Variants in ATP6V1C1 observed in about 807,000 individuals in gnomAD.
ATP6V1C1 encodes V-type proton ATPase subunit C 1.
A neutral mutation model predicts 53.9 loss-of-function variants in ATP6V1C1; 45 were observed. The observed-to-expected ratio is 0.83, with a 90% confidence interval of 0.66 to 1.07. The LOEUF (loss-of-function observed/expected upper bound fraction) is 1.07, where lower values mean the gene tolerates loss of function less well. Among genes scored for constraint, ATP6V1C1 ranks in the 50% least tolerant of loss-of-function variants. ATP6V1C1 has a pLI of 0.00. For missense variants in ATP6V1C1, 315 were observed against 440.3 expected (o/e 0.72, Z 2.55); for synonymous variants, 153 against 155.2 (o/e 0.99, Z 0.11).
At position 103,068,881 on chromosome 8, in the gene ATP6V1C1, A is replaced by G; in HGVS notation, c.*134A>G. The stretch of plus-strand genomic sequence containing the variant: ...CGCCCTTTCCTAGGTGAATTCTCCC[A>G]CAGTGGTCTGTATCTCAACATTTTC... On this transcript the variant is annotated 3_prime_UTR_variant, in exon 13 of 13. Coordinates refer to ENST00000518738, the MANE Select transcript of ATP6V1C1 (RefSeq NM_001695.5). The G allele has an allele frequency of 3.8e-6, 2 of 525,178 alleles. No homozygotes were observed. The highest frequency in any genetic ancestry group is 3.9e-5 in the African/African-American group (2 of 50,922). The allele number at this position is 525,178 out of a possible 1,614,324, so 32.5% of individuals were successfully genotyped here.
chr8:103,051,566 C>T (rs1307397517), intron 5 of ATP6V1C1, among the ~76,000 whole-genome samples: 2 of 152,044 alleles, frequency 1.3e-5, no homozygotes, highest in Non-Finnish European at 2.9e-5. Flanking sequence ...CTGACCCCTT[C>T]GGACTATTTA....
chr8:103,047,464 A>ACACACACATT (rs137856477), intron 3 of ATP6V1C1, among the ~76,000 whole-genome samples: 2 of 125,604 alleles, frequency 1.6e-5, no homozygotes, highest in African/African-American at 5.8e-5. Context: ...ACACACACAC[A>ACACACACATT]TTTTTTTTTT....
chr8:103,041,367 G>A (rs563732354), intron 2 of ATP6V1C1, among the ~76,000 whole-genome samples: 55 of 152,186 alleles, frequency 3.6e-4, no homozygotes, highest in Middle Eastern at 3.4e-3. Context: ...ATCACACTTG[G>A]CAAATCTAAC....
chr8:103,032,903 A>T (rs1299071554), intron 1 of ATP6V1C1, among the ~76,000 whole-genome samples: 4 of 152,146 alleles, frequency 2.6e-5, no homozygotes, highest in Non-Finnish European at 5.9e-5. Context: ...TAGAATCTCT[A>T]TTCTTAGTGG....
At chr8:103,028,110 G>A (rs1392791925) in intron 1 of ATP6V1C1, among the ~76,000 whole-genome samples, 1 of 152,218 alleles carries the variant, frequency 6.6e-6, no homozygotes, top group Non-Finnish European at 1.5e-5. Flanking sequence ...AAGTAGACAT[G>A]TGGGAGAAGT....
chr8:103,042,421 A>G lies in ATP6V1C1; in HGVS notation c.200+14A>G, dbSNP rs369016872. 11 of 1,613,052 alleles carry G rather than the reference A, an allele frequency of 6.8e-6. No homozygotes were observed. In the African/African-American group the frequency reaches 1.1e-4, roughly 16 times the overall value. ...ATTTGTAGAAGGGTAATGTACTTAT[A>G]TGCATGGAGTAGAGCAAAATGGGAG... On this transcript the variant is annotated intron_variant, in intron 3 of 12. Transcript: ENST00000518738.
chr8:103,040,672 A>C lies in ATP6V1C1; in HGVS notation c.-39-126A>C, dbSNP rs1431317754. On this transcript the variant is annotated intron_variant, in intron 1 of 12. Coordinates refer to ENST00000518738, the MANE Select transcript of ATP6V1C1 (RefSeq NM_001695.5). ...AGGTAGGTAAATTTCACTTTGCTTG[A>C]GATCCTATGCCAACATTAGATTAGT... 5 of 767,770 alleles carry C rather than the reference A, an allele frequency of 6.5e-6. No individual in the cohort carries two copies. The Middle Eastern group carries it at 1.2e-3, about 179-fold the overall frequency. 47.6% of individuals were successfully genotyped at this position (767,770 alleles called of 1,614,324 possible). A position where few individuals can be genotyped will look rare whatever the true frequency, so the allele number is the denominator to read the frequency against.
chr8:103,023,532 G>C (rs1367129680), intron 1 of ATP6V1C1, among the ~76,000 whole-genome samples: 1 of 152,176 alleles, frequency 6.6e-6, no homozygotes, highest in East Asian at 1.9e-4. Context: ...CCTCGAGGCA[G>C]TCCTGAAGTA....
In ATP6V1C1 at chr8:103,069,276, C is replaced by A. The variant is rs1421667255; in HGVS notation, c.*529C>A. The A allele has an allele frequency of 1.3e-5, 2 of 152,184 alleles. No homozygotes were observed. Among genetic ancestry groups the A allele is most frequent in the African/African-American group, 2.4e-5 (1 of 41,442 alleles). 9.4% of individuals were successfully genotyped at this position (152,184 alleles called of 1,614,324 possible). ...ACAGGAGAGAATAAAATTACCTGTG[C>A]AAAGGTGTATTGTGGTGTGTGTAAC... On this transcript the variant is annotated 3_prime_UTR_variant, in exon 13 of 13. Coordinates refer to ENST00000518738, the MANE Select transcript of ATP6V1C1 (RefSeq NM_001695.5).
intron 1 of ATP6V1C1, among the ~76,000 whole-genome samples, chr8:103,026,096 A>G (rs1053245605): frequency 5.9e-5 from 9 of 152,230 alleles, no homozygotes; most frequent in African/African-American, 2.2e-4. Flanking sequence ...GCCTGTGCAG[A>G]GGAGGAGTCT....
intron 8 of ATP6V1C1, 59 bp from the exon 9 acceptor site, chr8:103,062,896 T>A: frequency 6.7e-7 from 1 of 1,502,534 alleles, no homozygotes. Flanking sequence ...AATTTTGCCC[T>A]TAATATGAAA....
chr8:103,064,807 T>C lies in ATP6V1C1; in HGVS notation c.922T>C (p.Leu308=). The C allele has an allele frequency of 6.2e-7, 1 of 1,611,832 alleles. No individual in the cohort carries two copies. The highest frequency in any genetic ancestry group is 8.5e-7 in the Non-Finnish European group (1 of 1,179,298). ...ATTACGGGTTTTCGTTGAGTCTGTT[T>C]TAAGGTAAAGCAAGTTAATTGCCAA... ...KALRVFVESV[L]RYGLPVNFQA... is the part of the protein sequence containing the mutation. Residue 308 remains leucine (L), a synonymous_variant, in exon 11 of 13, where the codon TTA becomes CTA. Transcript: ENST00000518738.
chr8:103,068,883 A>G lies in ATP6V1C1; in HGVS notation c.*136A>G, dbSNP rs993402372. ...CCCTTTCCTAGGTGAATTCTCCCAC[A>G]GTGGTCTGTATCTCAACATTTTCTT... is the stretch of plus-strand genomic sequence containing the variant. On this transcript the variant is annotated 3_prime_UTR_variant, in exon 13 of 13. Coordinates refer to ENST00000518738, the MANE Select transcript of ATP6V1C1 (RefSeq NM_001695.5). 2 of 511,874 alleles carry G rather than the reference A, an allele frequency of 3.9e-6. No homozygotes were observed. The highest frequency in any genetic ancestry group is 6.5e-6 in the Non-Finnish European group (2 of 309,182). 31.7% of individuals were successfully genotyped at this position (511,874 alleles called of 1,614,324 possible). A position where few individuals can be genotyped will look rare whatever the true frequency, so the allele number is the denominator to read the frequency against.
At chr8:103,063,411 ATTCTAT>A (rs547858293) in intron 10 of ATP6V1C1, 183 bp downstream of exon 10, 135 of 507,772 alleles carry the variant, frequency 2.7e-4, no homozygotes, top group East Asian at 3.5e-4. Context: ...AGAGATAACT[ATTCTAT>A]TTCTAAGAAA....
intron 1 of ATP6V1C1, among the ~76,000 whole-genome samples, chr8:103,026,736 C>T (rs1410469624): frequency 1.3e-5 from 2 of 152,164 alleles, no homozygotes; most frequent in East Asian, 3.8e-4. Context: ...TCGCTTAAAC[C>T]CAGGAGGCAG....
chr8:103,059,750 G>A (rs1244420986), intron 8 of ATP6V1C1, among the ~76,000 whole-genome samples: 2 of 151,504 alleles, frequency 1.3e-5, no homozygotes, highest in South Asian at 2.1e-4. Flanking sequence ...ACCCTAGCTG[G>A]TCTCCTTTTC....
chr8:103,032,313 A>G (rs576401316), intron 1 of ATP6V1C1, among the ~76,000 whole-genome samples: 1 of 152,342 alleles, frequency 6.6e-6, no homozygotes, highest in East Asian at 1.9e-4. Context: ...TGGAAATGCA[A>G]CATAACCCTG....
intron 1 of ATP6V1C1, among the ~76,000 whole-genome samples, chr8:103,035,136 A>G (rs1816870561): frequency 1.3e-5 from 2 of 152,052 alleles, no homozygotes; most frequent in African/African-American, 4.8e-5. Flanking sequence ...CCTCTTTTTT[A>G]TATTTTTGAC....
intron 1 of ATP6V1C1, among the ~76,000 whole-genome samples, chr8:103,026,068 C>G (rs1050177814): frequency 2.6e-5 from 4 of 152,204 alleles, no homozygotes; most frequent in Non-Finnish European, 5.9e-5. Context: ...TATTTGCCCA[C>G]TGGGTCACCG....
Sources: allele counts gnomAD v4.1 joint callset (sites outside exome capture counted in the v4.1 genomes callset), GRCh38; gene constraint gnomAD v4.1.1; transcripts MANE v1.5; gene names NCBI Gene and HGNC (gene_info 2026-07-23, HGNC 2026-07-21).